Variants in FAM169A observed in about 807,000 individuals in gnomAD.
The protein encoded by FAM169A is soluble lamin-associated protein of 75 kDa.
A neutral mutation model predicts 75.7 loss-of-function variants in FAM169A; 24 were observed. The observed-to-expected ratio is 0.32, with a 90% CI of 0.23 to 0.45. The LOEUF (loss-of-function observed/expected upper bound fraction) is 0.45, where lower values mean the gene tolerates loss of function less well. Among genes scored for constraint, FAM169A ranks in the 20% least tolerant of loss-of-function variants. The probability of loss-of-function intolerance (pLI) is 1.00; values close to 1 mark genes in which losing one functional copy is unlikely to be tolerated. For missense variants in FAM169A, 673 were observed against 784.0 expected (o/e 0.86, Z 1.69); for synonymous variants, 271 against 271.0 (o/e 1.00, Z 0.00).
chr5:74,847,307 C>T (rs535278041), intron 1 of FAM169A, among the ~76,000 whole-genome samples: 1 of 151,772 alleles, frequency 6.6e-6, no homozygotes, highest in South Asian at 2.1e-4. Flanking sequence ...CCCCCCACCA[C>T]CCCCTGGTAA....
chr5:74,819,993 C>CTT (rs56815603), intron 5 of FAM169A, among the ~76,000 whole-genome samples: 4,070 of 119,026 alleles, frequency 0.034, 152 homozygotes, highest in African/African-American at 0.04. Flanking sequence ...GAATTGTATC[C>CTT]TTTTTTTTTT....
chr5:74,811,116 T>C (rs1301829948), intron 6 of FAM169A, among the ~76,000 whole-genome samples: 3 of 151,934 alleles, frequency 2.0e-5, no homozygotes, highest in Admixed American at 1.3e-4. Flanking sequence ...TCTGAGTAGC[T>C]GGGATTACAG....
At chr5:74,813,184 G>A (rs990763716) in intron 6 of FAM169A, among the ~76,000 whole-genome samples, 42 of 152,152 alleles carry the variant, frequency 2.8e-4, no homozygotes, top group African/African-American at 9.9e-4. Context: ...TGGTGACTGC[G>A]AATTGGTACA....
At chr5:74,840,887 C>T (rs1748830356) in intron 2 of FAM169A, among the ~76,000 whole-genome samples, 1 of 151,136 alleles carries the variant, frequency 6.6e-6, no homozygotes, top group Non-Finnish European at 1.5e-5. Context: ...AAGATACATG[C>T]TACTAATATG....
At chr5:74,864,874 A>C (rs1428151265) in intron 1 of FAM169A, among the ~76,000 whole-genome samples, 1 of 152,246 alleles carries the variant, frequency 6.6e-6, no homozygotes, top group Non-Finnish European at 1.5e-5. Flanking sequence ...AACAAGCAAA[A>C]CTAAAACACT....
At chr5:74,822,244 T>C (rs909080365) in intron 5 of FAM169A, among the ~76,000 whole-genome samples, 1 of 152,210 alleles carries the variant, frequency 6.6e-6, no homozygotes, top group African/African-American at 2.4e-5. Flanking sequence ...AAGTCCTCTG[T>C]ATAGATGAGG....
intron 5 of FAM169A, among the ~76,000 whole-genome samples, chr5:74,821,284 C>T (rs1747753810): frequency 6.6e-6 from 1 of 152,156 alleles, no homozygotes; most frequent in African/African-American, 2.4e-5. Flanking sequence ...TTAAGATCAA[C>T]TTTTTAATAA....
chr5:74,801,663 A>C (rs769348468), intron 8 of FAM169A, 34 bp from the exon 9 acceptor site: 31 of 1,568,574 alleles, frequency 2.0e-5, no homozygotes, highest in Non-Finnish European at 2.6e-5. Flanking sequence ...CCAAAGTTTT[A>C]GACTATTTTT....
At chr5:74,806,881 G>A (rs564933951) in intron 6 of FAM169A, among the ~76,000 whole-genome samples, 1 of 152,252 alleles carries the variant, frequency 6.6e-6, no homozygotes, top group African/African-American at 2.4e-5. Flanking sequence ...AATGAAATCT[G>A]AGTGGTCAAT....
chr5:74,857,438 C>A (rs1749769227), intron 1 of FAM169A, among the ~76,000 whole-genome samples: 1 of 151,748 alleles, frequency 6.6e-6, no homozygotes, highest in Non-Finnish European at 1.5e-5. Flanking sequence ...GTAGTCCCAG[C>A]TACTCAGGGG....
chr5:74,820,733 A>T (rs1747727427), intron 5 of FAM169A, among the ~76,000 whole-genome samples: 1 of 152,208 alleles, frequency 6.6e-6, no homozygotes, highest in African/African-American at 2.4e-5. Context: ...CAGAGCAGCC[A>T]GATTTGCCTT....
At chr5:74,837,277 T>A (rs888970482) in intron 4 of FAM169A, among the ~76,000 whole-genome samples, 1 of 152,204 alleles carries the variant, frequency 6.6e-6, no homozygotes, top group Admixed American at 6.5e-5. Context: ...TTTATTGCTA[T>A]CTACTCCTCC....
rs759874426 is a variant in FAM169A, at chr5:74,801,636, AAGAG to A, written c.913-11_913-8del. ...CATCTTTTAGAGAATCAATCTAAAA[AAGAG>A]AGAGATTCAAACCCAAAGTTTTAGA... On this transcript the variant is annotated splice_region_variant and splice_polypyrimidine_tract_variant and intron_variant, in intron 8 of 12. Transcript: ENST00000687041. The A allele has an allele frequency of 1.1e-5, 18 of 1,607,274 alleles. No individual in the cohort carries two copies. In the Admixed American group the frequency reaches 2.5e-4, roughly 23 times the overall value.
intron 5 of FAM169A, among the ~76,000 whole-genome samples, chr5:74,818,702 A>G (rs1385546425): frequency 6.6e-6 from 1 of 151,834 alleles, no homozygotes; most frequent in Non-Finnish European, 1.5e-5. Flanking sequence ...AGAGAGGAAT[A>G]GATTACAAAA....
intron 1 of FAM169A, among the ~76,000 whole-genome samples, chr5:74,855,203 G>A (rs1268051883): frequency 6.6e-6 from 1 of 152,006 alleles, no homozygotes. Flanking sequence ...GTTGGCTTTT[G>A]CTTTTGTTTT....
intron 5 of FAM169A, 90 bp from the exon 6 acceptor site, chr5:74,814,109 A>T: frequency 9.0e-7 from 1 of 1,117,178 alleles, no homozygotes; most frequent in Non-Finnish European, 1.2e-6. Flanking sequence ...TTTCTAAAAA[A>T]AGTTTTCTTC....
intron 6 of FAM169A, among the ~76,000 whole-genome samples, chr5:74,812,133 T>G (rs1044622477): frequency 6.6e-6 from 1 of 152,210 alleles, no homozygotes; most frequent in Non-Finnish European, 1.5e-5. Context: ...TATTTCTTTT[T>G]ATTTTTTTGA....
intron 11 of FAM169A, among the ~76,000 whole-genome samples, chr5:74,793,624 T>C (rs1030902478): frequency 6.6e-6 from 1 of 152,082 alleles, no homozygotes; most frequent in South Asian, 2.1e-4. Context: ...GCTTGGATGA[T>C]GGGTGCACCA....
chr5:74,842,420 CAAAAAAAAAAAAAAAAAA>C (rs56653446), intron 1 of FAM169A, among the ~76,000 whole-genome samples: 252 of 22,470 alleles, frequency 0.011, 1 homozygote, highest in African/African-American at 0.036. Context: ...GACTCTATCA[CAAAAAAAAAAAAAAAAAA>C]AAAAAAAAAA....
Sources: allele counts gnomAD v4.1 joint callset (sites outside exome capture counted in the v4.1 genomes callset), GRCh38; gene constraint gnomAD v4.1.1; transcripts MANE v1.5; gene names NCBI Gene and HGNC (gene_info 2026-07-23, HGNC 2026-07-21).